MCRIP1: variants seen among roughly 807,000 people sequenced by gnomAD.
The protein encoded by MCRIP1 is mapk-regulated corepressor-interacting protein 1.
A neutral mutation model predicts 14.4 loss-of-function variants in MCRIP1; 10 were observed. The observed-to-expected ratio is 0.70, with a 90% CI of 0.43 to 1.18. MCRIP1 has a LOEUF of 1.18. Among genes scored for constraint, MCRIP1 ranks in the 50% most tolerant of loss-of-function variants. The pLI, the probability that MCRIP1 is intolerant of heterozygous loss-of-function variation, is 0.00. For synonymous variants in MCRIP1, 53 were observed against 55.7 expected, an observed-to-expected ratio of 0.95 and a Z score of 0.21; for missense variants, 119 against 135.4, an observed-to-expected ratio of 0.88 and a Z score of 0.60.
rs778177404 is a variant in MCRIP1 at position 81,823,218 on chromosome 17, C to T, written c.*29G>A. The T allele has an allele frequency of 2.0e-6, 3 of 1,534,950 alleles. No individual in the cohort carries two copies. The highest frequency in any genetic ancestry group is 2.6e-6 in the Non-Finnish European group (3 of 1,146,178). On this transcript the variant is annotated 3_prime_UTR_variant, in exon 5 of 5. Coordinates refer to ENST00000455127, the MANE Select transcript of MCRIP1 (RefSeq NM_207368.5). The surrounding 1 kb of genome is among the most constrained non-coding windows in gnomAD (Gnocchi z 6.0). ...AACCGACACCTCGCACCCTGATCTT[C>T]CGGAGGCCGGGGAGGGGCACCGGGC...
intron 1 of MCRIP1, among the ~76,000 whole-genome samples, chr17:81,829,055 T>C (rs560411162): frequency 2.0e-5 from 3 of 152,050 alleles, no homozygotes; most frequent in Non-Finnish European, 4.4e-5. Context: ...AGGTGGTGGA[T>C]GTGGAGGGAC....
chr17:81,823,575 C>T lies in MCRIP1; in HGVS notation c.128-62G>A, dbSNP rs1043746315. On this transcript the variant is annotated intron_variant, in intron 3 of 4. Coordinates refer to ENST00000455127, the MANE Select transcript of MCRIP1 (RefSeq NM_207368.5). The surrounding 1 kb of genome is among the most constrained non-coding windows in gnomAD (Gnocchi z 6.0). ...GCCCCAGGGGGTGGCATCCACGTCACGAGAGTGCCTGCCCTCAGCTCCTGC... is the reference window on the plus strand; with the variant it reads ...GCCCCAGGGGGTGGCATCCACGTCATGAGAGTGCCTGCCCTCAGCTCCTGC... 33 of 1,382,192 alleles carry T rather than the reference C, an allele frequency of 2.4e-5. No individual in the cohort carries two copies. Among genetic ancestry groups the T allele is most frequent in the South Asian group, 6.2e-5 (5 of 80,382 alleles). The allele number at this position is 1,382,192 out of a possible 1,614,324, so 85.6% of individuals were successfully genotyped here.
intron 1 of MCRIP1, 27 bp from the exon 2 acceptor site, chr17:81,824,581 G>A: frequency 1.3e-6 from 2 of 1,535,796 alleles, no homozygotes; most frequent in Non-Finnish European, 1.7e-6. Context: ...CGCAGGCATG[G>A]GACGCAGGGC....
At chr17:81,828,269 A>AC (rs567566571) in intron 1 of MCRIP1, among the ~76,000 whole-genome samples, 4 of 83,012 alleles carry the variant, frequency 4.8e-5, no homozygotes, top group Non-Finnish European at 7.5e-5. Context: ...CTGCCCCCCC[A>AC]CCCCCCGACC....
At chr17:81,826,332 T>TGCACACACCTGCCC in intron 1 of MCRIP1, 5 of 1,535,452 alleles carry the variant, frequency 3.3e-6, no homozygotes, top group Non-Finnish European at 4.4e-6. Context: ...CACACCTGTC[T>TGCACACACCTGCCC]GTACACACCT....
Position 81,823,153 on chromosome 17 carries a change from G to A in MCRIP1, c.*94C>T, listed in dbSNP as rs1331926631. On this transcript the variant is annotated 3_prime_UTR_variant, in exon 5 of 5. Coordinates refer to ENST00000455127, the MANE Select transcript of MCRIP1 (RefSeq NM_207368.5). The surrounding 1 kb of genome is among the most constrained non-coding windows in gnomAD (Gnocchi z 6.0). ...TGGGATCTGCAGCCCGCTGGAGCAA[G>A]GCACCCCCATCCCAGGGGCAGGACC... is the stretch of plus-strand genomic sequence containing the variant. 8.1e-7 allele frequency: 1 copy of A among 1,241,548 alleles called. No homozygotes were observed. Among genetic ancestry groups the A allele is most frequent in the African/African-American group, 1.5e-5 (1 of 67,204 alleles). The allele number at this position is 1,241,548 out of a possible 1,614,324, so 76.9% of individuals were successfully genotyped here.
rs556057863 is a variant in MCRIP1, at chr17:81,822,977, C to A, written c.*270G>T. ...CAGGTCAGGGCCCCTGGGGGCCAGG[C>A]AGCTTCAAAAATGCAGCCAGGTGGC... is the stretch of plus-strand genomic sequence containing the variant. On this transcript the variant is annotated 3_prime_UTR_variant, in exon 5 of 5. Coordinates refer to ENST00000455127, the MANE Select transcript of MCRIP1 (RefSeq NM_207368.5). 1.0e-5 allele frequency: 6 copies of A among 586,428 alleles called. No individual in the cohort carries two copies. In the Admixed American group the frequency reaches 1.5e-4, roughly 15 times the overall value. 36.3% of individuals were successfully genotyped at this position (586,428 alleles called of 1,614,324 possible). A position where few individuals can be genotyped will look rare whatever the true frequency, so the allele number is the denominator to read the frequency against.
intron 1 of MCRIP1, among the ~76,000 whole-genome samples, chr17:81,830,898 G>A (rs1244632495): frequency 1.3e-5 from 2 of 151,204 alleles, no homozygotes; most frequent in Admixed American, 1.3e-4. Context: ...AGGCGCAGTG[G>A]CTCATGCCTG....
In MCRIP1 at chr17:81,826,227, A is replaced by G. The variant is rs564823928; in HGVS notation, c.-48-1673T>C. The G allele has an allele frequency of 9.3e-4, 572 of 613,702 alleles. 3 individuals carry two copies. The South Asian group carries it at 0.021, about 23-fold the overall frequency. 38.0% of individuals were successfully genotyped at this position (613,702 alleles called of 1,614,324 possible). A position where few individuals can be genotyped will look rare whatever the true frequency, so the allele number is the denominator to read the frequency against. On this transcript the variant is annotated intron_variant, in intron 1 of 4. Transcript: ENST00000455127. ...CCGGGGCTCCCTTTGCCTTGTGTGC[A>G]CACACACACACACACACACACCTGC...
Position 81,832,201 on chromosome 17 carries a change from A to T in MCRIP1, c.-49+1037T>A, listed in dbSNP as rs1038653534. Among the ~76,000 whole-genome samples the T allele has an allele frequency of 9.9e-5, 15 of 152,272 alleles. No individual in the cohort carries two copies. In the South Asian group the frequency reaches 2.3e-3, roughly 23 times the overall value. On this transcript the variant is annotated intron_variant, in intron 1 of 4. Coordinates refer to ENST00000455127, the MANE Select transcript of MCRIP1 (RefSeq NM_207368.5). ...TTCGTGTTCTGTGTCTTTTTCAGCC[A>T]ACGAGGCTAGAAAATGATCTATTGC...
intron 1 of MCRIP1, among the ~76,000 whole-genome samples, chr17:81,832,783 G>A (rs898839368): frequency 6.6e-6 from 1 of 152,254 alleles, no homozygotes; most frequent in African/African-American, 2.4e-5. Context: ...AAGAGGGCAA[G>A]GCCGAAAAAT....
rs147986593 is a variant in MCRIP1, at chr17:81,827,562, C to G, written c.-48-3008G>C. Among the ~76,000 whole-genome samples, 28 of 151,954 alleles carry G rather than the reference C, an allele frequency of 1.8e-4. No homozygotes were observed. In the East Asian group the frequency reaches 5.1e-3, roughly 28 times the overall value. The stretch of plus-strand genomic sequence containing the variant: ...CTGGGATTACAGTCGTGAGCCACCA[C>G]GCCCGGCCGGCAAAATCCCATTTCT... On this transcript the variant is annotated intron_variant, in intron 1 of 4. Transcript: ENST00000455127.
chr17:81,826,031 TC>T, intron 1 of MCRIP1: 1 of 1,410,114 alleles, frequency 7.1e-7, no homozygotes, highest in South Asian at 1.2e-5. Context: ...GGTACCTGCC[TC>T]CCAGCCTGCC....
intron 1 of MCRIP1, 125 bp downstream of exon 1, chr17:81,833,113 C>T (rs552621761): frequency 2.0e-5 from 3 of 147,560 alleles, no homozygotes; most frequent in East Asian, 3.9e-4. Flanking sequence ...CCGGCCACTC[C>T]CCCGCGCCCG....
At position 81,824,544 on chromosome 17, in the gene MCRIP1, C is replaced by A; in HGVS notation, c.-38G>T. On this transcript the variant is annotated 5_prime_UTR_variant, in exon 2 of 5. Coordinates refer to ENST00000455127, the MANE Select transcript of MCRIP1 (RefSeq NM_207368.5). Reference sequence around the variant, plus strand: ...TGATCCTAGCGCTCCACCGCCAGATCCCCTCAGCCTCTGAAACAGAAGCCA... The same window carrying A: ...TGATCCTAGCGCTCCACCGCCAGATACCCTCAGCCTCTGAAACAGAAGCCA... The A allele has an allele frequency of 6.5e-7, 1 of 1,535,934 alleles. No individual in the cohort carries two copies.
chr17:81,824,730 C>A (rs181074669), intron 1 of MCRIP1, 176 bp from the exon 2 acceptor site: 1 of 1,446,296 alleles, frequency 6.9e-7, no homozygotes, highest in African/African-American at 1.4e-5. Context: ...AGCCAGTGGG[C>A]TCCAGGCAAC....
At chr17:81,831,688 G>A (rs1339009091) in intron 1 of MCRIP1, among the ~76,000 whole-genome samples, 3 of 152,224 alleles carry the variant, frequency 2.0e-5, no homozygotes. Flanking sequence ...GAAGGAGCCT[G>A]CCACCAAGCA....
intron 1 of MCRIP1, 23 bp from the exon 2 acceptor site, chr17:81,824,577 C>A (rs1339442757): frequency 6.5e-7 from 1 of 1,535,810 alleles, no homozygotes; most frequent in Non-Finnish European, 8.7e-7. Context: ...CCAGCGCAGG[C>A]ATGGGACGCA....
intron 1 of MCRIP1, among the ~76,000 whole-genome samples, chr17:81,828,854 T>C (rs559877289): frequency 2.0e-5 from 3 of 152,274 alleles, no homozygotes; most frequent in East Asian, 3.9e-4. Context: ...GAGGTCACCA[T>C]GGAGCCACAA....
Sources: allele counts gnomAD v4.1 joint callset (sites outside exome capture counted in the v4.1 genomes callset), GRCh38; gene constraint gnomAD v4.1.1; non-coding constraint Gnocchi (gnomAD v3.1); transcripts MANE v1.5; gene names NCBI Gene and HGNC (gene_info 2026-07-23, HGNC 2026-07-21).